ADAMTS2: variants seen among roughly 807,000 people sequenced by gnomAD.
ADAMTS2 encodes ADAM metallopeptidase with thrombospondin type 1 motif 2.
In ADAMTS2, 50 loss-of-function variants were observed where a neutral mutation model predicts 123.0. The observed-to-expected ratio is 0.41, with a 90% confidence interval of 0.32 to 0.51. The LOEUF (loss-of-function observed/expected upper bound fraction) is 0.51. Among genes scored for constraint, ADAMTS2 ranks in the 20% least tolerant of loss-of-function variants. The probability of loss-of-function intolerance (pLI) is 0.35; values close to 1 mark genes in which losing one functional copy is unlikely to be tolerated. For missense variants in ADAMTS2, 1,494 were observed against 1,705.2 expected, an observed-to-expected ratio of 0.88 and a Z score of 2.18; for synonymous variants, 678 against 695.4, an observed-to-expected ratio of 0.98 and a Z score of 0.39.
chr5:179,230,222 T>A (rs543737909), intron 3 of ADAMTS2, among the ~76,000 whole-genome samples: 1 of 151,930 alleles, frequency 6.6e-6, no homozygotes, highest in Non-Finnish European at 1.5e-5. Flanking sequence ...GCAGGCAGGG[T>A]GCCCTCGGGG....
At chr5:179,338,235 A>G (rs1269705969) in intron 2 of ADAMTS2, among the ~76,000 whole-genome samples, 1 of 152,028 alleles carries the variant, frequency 6.6e-6, no homozygotes, top group East Asian at 1.9e-4. Context: ...GCCCCTCCCT[A>G]AAGGATTCCA....
At chr5:179,186,481 C>T (rs978534411) in intron 4 of ADAMTS2, among the ~76,000 whole-genome samples, 2 of 152,270 alleles carry the variant, frequency 1.3e-5, no homozygotes, top group East Asian at 3.9e-4. Flanking sequence ...GAGTGAGCCC[C>T]GTCCTGCCCC....
At chr5:179,266,093 A>G (rs1766362890) in intron 3 of ADAMTS2, among the ~76,000 whole-genome samples, 1 of 152,184 alleles carries the variant, frequency 6.6e-6, no homozygotes, top group African/African-American at 2.4e-5. Flanking sequence ...GGTTGGAGAC[A>G]CAGAGACAGG....
Position 179,133,039 on chromosome 5 carries a change from G to T in ADAMTS2, c.2086-139C>A, listed in dbSNP as rs558978176. On this transcript the variant is annotated intron_variant, in intron 13 of 21. Coordinates refer to ENST00000251582, the MANE Select transcript of ADAMTS2 (RefSeq NM_014244.5). ...CTCCCAAAGCATTGGGATTACAGGCGTGAACCACCTTGCCTGGCCTCATCT... is the reference window on the plus strand; with the variant it reads ...CTCCCAAAGCATTGGGATTACAGGCTTGAACCACCTTGCCTGGCCTCATCT... The T allele has an allele frequency of 5.2e-6, 6 of 1,156,290 alleles. No individual in the cohort carries two copies. The South Asian group carries it at 7.9e-5, about 15-fold the overall frequency. The allele number at this position is 1,156,290 out of a possible 1,614,324, so 71.6% of individuals were successfully genotyped here. A position where few individuals can be genotyped will look rare whatever the true frequency, so the allele number is the denominator to read the frequency against.
Position 179,294,094 on chromosome 5 carries a change from A to G in ADAMTS2, c.535-21030T>C, listed in dbSNP as rs117769086. Among the ~76,000 whole-genome samples, 243 of 152,084 alleles carry G rather than the reference A, an allele frequency of 1.6e-3. 3 individuals are homozygous for G. In the East Asian group the frequency reaches 0.042, roughly 26 times the overall value. Reference sequence around the variant, plus strand: ...AGCATAGTGAGGCCTCATCTCTACAAATAATTTAAAAATTAGCTGGGTGTG... The same window carrying G: ...AGCATAGTGAGGCCTCATCTCTACAGATAATTTAAAAATTAGCTGGGTGTG... On this transcript the variant is annotated intron_variant, in intron 2 of 21. Transcript: ENST00000251582.
intron 4 of ADAMTS2, among the ~76,000 whole-genome samples, chr5:179,205,126 G>A (rs1764649014): frequency 6.6e-6 from 1 of 152,172 alleles, no homozygotes; most frequent in African/African-American, 2.4e-5. Context: ...AAAGTTGGAC[G>A]GCAAAAGTGA....
At position 179,344,080 on chromosome 5, in the gene ADAMTS2, A is replaced by T; in HGVS notation, c.221T>A (p.Val74Glu). The T allele has an allele frequency of 6.2e-7, 1 of 1,610,872 alleles. No individual in the cohort carries two copies. ...TDAQGRLVSHVVSAATSRAGV... is the reference protein window; with the variant it reads ...TDAQGRLVSHEVSAATSRAGV... ...TGCTCTGGACGTAGCTGCCGACACC[A>T]CGTGGGACACCAAGCGGCCCTGGGC... is the stretch of plus-strand genomic sequence containing the variant. The change falls in exon 2 of 22, where the codon GTG (valine) becomes GAG (glutamate). Residue 74 changes from valine (V) to glutamate (E), a missense_variant. Val to Glu is a moderately radical substitution (Grantham distance 121). Around this residue, in one of 6 missense-constraint regions of ADAMTS2, gnomAD observed 237 missense variants for 233.7 expected, o/e 1.01. Coordinates refer to ENST00000251582, the MANE Select transcript of ADAMTS2 (RefSeq NM_014244.5).
chr5:179,223,128 C>A (rs1351153584), intron 3 of ADAMTS2, among the ~76,000 whole-genome samples: 10 of 152,234 alleles, frequency 6.6e-5, no homozygotes. Flanking sequence ...TTGCTAACTA[C>A]CATTTGCCAG....
chr5:179,121,574 C>T (rs1762763390), intron 21 of ADAMTS2, 87 bp downstream of exon 21: 2 of 1,129,718 alleles, frequency 1.8e-6, no homozygotes, highest in Non-Finnish European at 1.3e-6. Context: ...TTTCCATAGA[C>T]AGAGAGGAGG....
At chr5:179,205,503 C>T (rs897544804) in intron 4 of ADAMTS2, among the ~76,000 whole-genome samples, 4 of 152,214 alleles carry the variant, frequency 2.6e-5, no homozygotes, top group Admixed American at 6.5e-5. Context: ...CCCAACGACG[C>T]GCCTGGAAAA....
chr5:179,230,178 C>T (rs886281946), intron 3 of ADAMTS2, among the ~76,000 whole-genome samples: 1 of 152,152 alleles, frequency 6.6e-6, no homozygotes, highest in African/African-American at 2.4e-5. Flanking sequence ...GGGAGGAGGG[C>T]AGGGCAGGCT....
chr5:179,282,377 C>A (rs1375723420), intron 2 of ADAMTS2, among the ~76,000 whole-genome samples: 2 of 152,214 alleles, frequency 1.3e-5, no homozygotes, highest in Non-Finnish European at 2.9e-5. Context: ...GGTGTGCCAA[C>A]ACCATTTGTT....
chr5:179,132,224 A>T lies in ADAMTS2; in HGVS notation c.2290+6T>A. ...GGACGTCAAGTTGTCCGGCTCTGAG[A>T]CTCACCCAGATGGTGGCTGGTGGCG... On this transcript the variant is annotated splice_donor_region_variant and intron_variant, in intron 15 of 21. Transcript: ENST00000251582. This position sits in a 1 kb window ranked among gnomAD's most constrained non-coding sequence, Gnocchi z 6.1. 5 of 1,613,594 alleles carry T rather than the reference A, an allele frequency of 3.1e-6. No individual in the cohort carries two copies. Among genetic ancestry groups the T allele is most frequent in the Non-Finnish European group, 4.2e-6 (5 of 1,179,858 alleles).
At chr5:179,119,527 T>C (rs1762717615) in intron 21 of ADAMTS2, among the ~76,000 whole-genome samples, 1 of 152,202 alleles carries the variant, frequency 6.6e-6, no homozygotes, top group African/African-American at 2.4e-5. Context: ...CTGGCCATTT[T>C]CAGCAATGTG....
intron 3 of ADAMTS2, among the ~76,000 whole-genome samples, chr5:179,215,104 C>T (rs675880): frequency 0.24 from 37,185 of 151,924 alleles, 4,611 homozygotes; most frequent in Non-Finnish European, 0.27. Context: ...TTAATGAAAA[C>T]GTAGTTGTGT....
chr5:179,194,504 C>T (rs3797609), intron 4 of ADAMTS2, among the ~76,000 whole-genome samples: 36,892 of 152,000 alleles, frequency 0.24, 7,424 homozygotes, highest in African/African-American at 0.51. Flanking sequence ...GGATGGCCTG[C>T]GGGGAGAGGC....
At chr5:179,178,943 G>GTC (rs1422908101) in intron 5 of ADAMTS2, among the ~76,000 whole-genome samples, 2 of 152,154 alleles carry the variant, frequency 1.3e-5, no homozygotes, top group Non-Finnish European at 2.9e-5. Context: ...GTTCCAAATA[G>GTC]TCTGTACTGC....
At chr5:179,124,835 G>A in intron 19 of ADAMTS2, 138 bp downstream of exon 19, 2 of 1,600,616 alleles carry the variant, frequency 1.2e-6, no homozygotes, top group South Asian at 2.2e-5. Flanking sequence ...TCTCAGGCCG[G>A]GCGTCATTGC....
rs542751345 is a variant in ADAMTS2, at chr5:179,189,370, C to T, written c.892-8215G>A. On this transcript the variant is annotated intron_variant, in intron 4 of 21. Transcript: ENST00000251582. The surrounding 1 kb of genome is among the most constrained non-coding windows in gnomAD (Gnocchi z 4.2). ...GAGCAATTTTTTTTTTTTTTTGAGA[C>T]GGAGTCTCTCTCTGTTGCCCAGGTT... 6.5e-4 allele frequency among the ~76,000 whole-genome samples: 97 copies of T among 149,900 alleles called. No homozygotes were observed. Among genetic ancestry groups the T allele is most frequent in the Non-Finnish European group, 9.5e-4 (64 of 67,558 alleles).
Sources: allele counts gnomAD v4.1 joint callset (sites outside exome capture counted in the v4.1 genomes callset), GRCh38; gene constraint gnomAD v4.1.1; regional missense constraint gnomAD v4.1.1; non-coding constraint Gnocchi (gnomAD v3.1); transcripts MANE v1.5; gene names NCBI Gene and HGNC (gene_info 2026-07-23, HGNC 2026-07-21).